GRIK2: variants seen among roughly 807,000 people sequenced by gnomAD.
GRIK2 encodes the protein glutamate ionotropic receptor kainate type subunit 2.
GRIK2 carries 32 observed loss-of-function variants against 100.3 expected under a neutral mutation model. The ratio of observed to expected loss-of-function variants is 0.32; its 90% CI spans 0.24 to 0.43. GRIK2 has a LOEUF of 0.43. Ranked by LOEUF, GRIK2 falls within the 20% of genes least tolerant of loss-of-function variation. The pLI is 1.00. For missense variants in GRIK2, 843 were observed against 1,114.9 expected (o/e 0.76, Z 3.47); for synonymous variants, 417 against 389.4 (o/e 1.07, Z -0.83).
At chr6:101,593,640 G>T (rs772413753) in intron 2 of GRIK2, among the ~76,000 whole-genome samples, 11 of 151,864 alleles carry the variant, frequency 7.2e-5, no homozygotes, top group Non-Finnish European at 1.6e-4. Context: ...TTAGTAGGAT[G>T]TGTGGGAGCT....
chr6:102,050,325 G>A (rs1771104233), intron 15 of GRIK2, among the ~76,000 whole-genome samples: 1 of 151,888 alleles, frequency 6.6e-6, no homozygotes, highest in Non-Finnish European at 1.5e-5. Flanking sequence ...GCACAGGAGG[G>A]AAGTGGAAGT....
intron 11 of GRIK2, among the ~76,000 whole-genome samples, chr6:101,866,219 T>C (rs535770495): frequency 6.6e-6 from 1 of 152,278 alleles, no homozygotes; most frequent in South Asian, 2.1e-4. Context: ...AACTACATTT[T>C]CCTCATCCCT....
intron 2 of GRIK2, among the ~76,000 whole-genome samples, chr6:101,441,635 T>C (rs1015617517): frequency 9.2e-5 from 14 of 152,140 alleles, no homozygotes; most frequent in African/African-American, 3.4e-4. Context: ...CTCATTTTTT[T>C]CTTTTCAACT....
intron 14 of GRIK2, among the ~76,000 whole-genome samples, chr6:101,988,951 A>C (rs1463385128): frequency 6.6e-6 from 1 of 151,834 alleles, no homozygotes; most frequent in Admixed American, 6.6e-5. Context: ...TGAAATTAAT[A>C]ATCATTGTGT....
At chr6:101,903,776 A>C (rs1169712966) in intron 12 of GRIK2, among the ~76,000 whole-genome samples, 1 of 49,668 alleles carries the variant, frequency 2.0e-5, no homozygotes, top group Non-Finnish European at 4.5e-5. Flanking sequence ...GCCATGAAGA[A>C]GTTGGAGCAA....
intron 11 of GRIK2, among the ~76,000 whole-genome samples, chr6:101,878,136 T>A (rs978921773): frequency 2.0e-5 from 3 of 147,646 alleles, no homozygotes; most frequent in African/African-American, 7.4e-5. Flanking sequence ...TATATTAATG[T>A]ACTGAATAAA....
At chr6:101,766,650 C>G (rs558164981) in intron 7 of GRIK2, among the ~76,000 whole-genome samples, 3 of 152,158 alleles carry the variant, frequency 2.0e-5, no homozygotes, top group African/African-American at 7.2e-5. Flanking sequence ...GGAGTGTTGT[C>G]CTCTGAAGTT....
chr6:101,437,200 T>G (rs188809589), intron 2 of GRIK2, among the ~76,000 whole-genome samples: 25 of 152,174 alleles, frequency 1.6e-4, no homozygotes, highest in Admixed American at 1.4e-3. Context: ...GCTGACTTAT[T>G]TCTATACTGA....
Position 101,622,128 on chromosome 6 carries a change from A to T in GRIK2, c.283+12A>T. ...AGCATCCAAGAAAGGTAATTGATAG[A>T]TTTTTAACATCTTTGTTTCCTGGAA... On this transcript the variant is annotated intron_variant, in intron 3 of 16. Transcript: ENST00000369134. 2.0e-6 allele frequency: 3 copies of T among 1,491,140 alleles called. No individual in the cohort carries two copies. The highest frequency in any genetic ancestry group is 2.8e-6 in the Non-Finnish European group (3 of 1,083,416). The allele number at this position is 1,491,140 out of a possible 1,614,324, so 92.4% of individuals were successfully genotyped here.
At chr6:101,809,278 T>C (rs1309773916) in intron 9 of GRIK2, among the ~76,000 whole-genome samples, 4 of 152,080 alleles carry the variant, frequency 2.6e-5, no homozygotes, top group Admixed American at 6.6e-5. Flanking sequence ...TACAGGCTTA[T>C]GTGTTCTAGA....
intron 2 of GRIK2, among the ~76,000 whole-genome samples, chr6:101,614,224 CTG>C (rs1196264272): frequency 6.6e-6 from 1 of 151,660 alleles, no homozygotes; most frequent in East Asian, 1.9e-4. Flanking sequence ...TTTGAGAAGT[CTG>C]TTAAAAATAT....
chr6:101,667,802 A>G (rs1302706822), intron 4 of GRIK2, among the ~76,000 whole-genome samples: 1 of 152,188 alleles, frequency 6.6e-6, no homozygotes, highest in Non-Finnish European at 1.5e-5. Context: ...ATATGGGGAT[A>G]ACCATTATAT....
intron 2 of GRIK2, among the ~76,000 whole-genome samples, chr6:101,578,768 A>T (rs1777905925): frequency 6.6e-6 from 1 of 152,134 alleles, no homozygotes; most frequent in Admixed American, 6.6e-5. Context: ...TCATTTCTAG[A>T]TTCAGGAATA....
At chr6:101,852,282 A>AT (rs1287455135) in intron 10 of GRIK2, among the ~76,000 whole-genome samples, 6 of 152,012 alleles carry the variant, frequency 3.9e-5, no homozygotes, top group East Asian at 1.9e-4. Flanking sequence ...TACATGCTTT[A>AT]TTTTTTTCCC....
At chr6:101,861,144 G>A (rs1214741250) in intron 11 of GRIK2, among the ~76,000 whole-genome samples, 1 of 152,106 alleles carries the variant, frequency 6.6e-6, no homozygotes, top group Non-Finnish European at 1.5e-5. Context: ...ATAGAGATAA[G>A]TTATATCATT....
intron 12 of GRIK2, among the ~76,000 whole-genome samples, chr6:101,902,248 G>A (rs1028515058): frequency 6.6e-6 from 1 of 151,876 alleles, no homozygotes; most frequent in Non-Finnish European, 1.5e-5. Flanking sequence ...CAGGCCCTAG[G>A]ATACCACTAA....
chr6:101,976,952 CAAAG>C (rs1283947523), intron 14 of GRIK2, among the ~76,000 whole-genome samples: 1 of 151,760 alleles, frequency 6.6e-6, no homozygotes, highest in Non-Finnish European at 1.5e-5. Flanking sequence ...TTGCAGAAGA[CAAAG>C]AAGTTAAGCC....
At chr6:101,588,905 A>C (rs1229329920) in intron 2 of GRIK2, among the ~76,000 whole-genome samples, 1 of 152,142 alleles carries the variant, frequency 6.6e-6, no homozygotes, top group Non-Finnish European at 1.5e-5. Context: ...GAAGGCAAGA[A>C]TACCAGTGAG....
intron 2 of GRIK2, among the ~76,000 whole-genome samples, chr6:101,448,477 C>T (rs907683490): frequency 1.3e-5 from 2 of 151,340 alleles, no homozygotes; most frequent in Admixed American, 6.6e-5. Context: ...GGCAGTAAAG[C>T]GATTATAGGG....
Sources: allele counts gnomAD v4.1 joint callset (sites outside exome capture counted in the v4.1 genomes callset), GRCh38; gene constraint gnomAD v4.1.1; transcripts MANE v1.5; gene names NCBI Gene and HGNC (gene_info 2026-07-23, HGNC 2026-07-21).